Variants in CNTN5 observed in about 807,000 individuals in gnomAD.
CNTN5 encodes contactin-5.
In CNTN5, 77 loss-of-function variants were observed where a neutral mutation model predicts 129.1. The ratio of observed to expected loss-of-function variants is 0.60; its 90% confidence interval spans 0.50 to 0.72. The LOEUF is 0.72. Ranked by LOEUF, CNTN5 falls within the 30% of genes least tolerant of loss-of-function variation. The probability of loss-of-function intolerance (pLI) is 0.00; values close to 1 mark genes in which losing one functional copy is unlikely to be tolerated. For missense variants in CNTN5, 1,478 were observed against 1,328.8 expected, an observed-to-expected ratio of 1.11 and a Z score of -1.75; for synonymous variants, 509 against 465.6, an observed-to-expected ratio of 1.09 and a Z score of -1.20.
chr11:99,800,773 G>A (rs564798606), intron 3 of CNTN5, among the ~76,000 whole-genome samples: 3 of 151,992 alleles, frequency 2.0e-5, no homozygotes, highest in East Asian at 1.9e-4. Flanking sequence ...TTGTTTAACC[G>A]ATCTTCCTTA....
chr11:99,452,530 A>T (rs1268188551), intron 2 of CNTN5, among the ~76,000 whole-genome samples: 1 of 151,740 alleles, frequency 6.6e-6, no homozygotes, highest in East Asian at 1.9e-4. Context: ...CCGCCACCAC[A>T]CCCGGCTAAT....
chr11:99,341,616 T>C (rs1302706514), intron 2 of CNTN5, among the ~76,000 whole-genome samples: 5 of 152,210 alleles, frequency 3.3e-5, no homozygotes, highest in African/African-American at 1.2e-4. Flanking sequence ...GAATGTGCTA[T>C]GGTCAGTAAG....
chr11:100,337,871 T>C (rs1034667997), intron 21 of CNTN5, among the ~76,000 whole-genome samples: 3 of 152,194 alleles, frequency 2.0e-5, no homozygotes, highest in Non-Finnish European at 4.4e-5. Context: ...ATAAGCTTGT[T>C]TCATACTAAC....
At chr11:100,000,192 T>C (rs1939769688) in intron 8 of CNTN5, among the ~76,000 whole-genome samples, 1 of 151,684 alleles carries the variant, frequency 6.6e-6, no homozygotes, top group Non-Finnish European at 1.5e-5. Flanking sequence ...AAATAAAAAG[T>C]CCAAGTCCAA....
At chr11:99,985,049 G>A (rs1938589430) in intron 8 of CNTN5, among the ~76,000 whole-genome samples, 1 of 152,114 alleles carries the variant, frequency 6.6e-6, no homozygotes, top group Non-Finnish European at 1.5e-5. Context: ...GCTCAAGAAG[G>A]GGTGTTACAA....
At chr11:99,747,703 A>C (rs1591085761) in intron 3 of CNTN5, among the ~76,000 whole-genome samples, 1 of 151,800 alleles carries the variant, frequency 6.6e-6, no homozygotes, top group African/African-American at 2.4e-5. Context: ...CGATCTCCTG[A>C]CCTTGTGATC....
intron 3 of CNTN5, among the ~76,000 whole-genome samples, chr11:99,713,732 T>C (rs1193919652): frequency 6.6e-6 from 1 of 151,982 alleles, no homozygotes; most frequent in Non-Finnish European, 1.5e-5. Flanking sequence ...CTTGCACTTT[T>C]AAGTTTGAAT....
Position 100,070,488 on chromosome 11 carries a change from G to T in CNTN5, c.1227G>T (p.Trp409Cys), listed in dbSNP as rs568880150. ...TAGACAGTGGGAGCCCTCTCCGATG[G>T]GAATGTAAGGCTACTGGAAAACCCA... ...TQLDSGSPLR[W>C]ECKATGKPRP... The change falls in exon 11 of 25, where the codon TGG (tryptophan) becomes TGT (cysteine). Residue 409 changes from tryptophan to cysteine, a missense_variant. Coordinates refer to ENST00000524871, the MANE Select transcript of CNTN5 (RefSeq NM_014361.4). 1 of 1,612,962 alleles carries T rather than the reference G, an allele frequency of 6.2e-7. No homozygotes were observed. The highest frequency in any genetic ancestry group is 1.1e-5 in the South Asian group (1 of 91,012).
intron 1 of CNTN5, among the ~76,000 whole-genome samples, chr11:99,180,696 A>T (rs1858007953): frequency 6.6e-6 from 1 of 152,196 alleles, no homozygotes; most frequent in Non-Finnish European, 1.5e-5. Context: ...GTCGGCCTCC[A>T]TCTGATACTC....
chr11:99,607,826 C>T (rs1950470345), intron 3 of CNTN5, among the ~76,000 whole-genome samples: 1 of 131,868 alleles, frequency 7.6e-6, no homozygotes, highest in Admixed American at 8.0e-5. Context: ...TGGAAACCAT[C>T]ATTCTCAGTA....
At chr11:99,702,211 T>C (rs542741338) in intron 3 of CNTN5, among the ~76,000 whole-genome samples, 1 of 150,974 alleles carries the variant, frequency 6.6e-6, no homozygotes, top group South Asian at 2.1e-4. Context: ...CCCCAGTTTA[T>C]TGTAAATGTT....
chr11:99,274,627 T>C (rs1863338003), intron 1 of CNTN5, among the ~76,000 whole-genome samples: 1 of 151,614 alleles, frequency 6.6e-6, no homozygotes, highest in Admixed American at 6.6e-5. Flanking sequence ...GAGATTAGTA[T>C]ATCAATAAAA....
At chr11:99,368,803 C>T (rs575479747) in intron 2 of CNTN5, among the ~76,000 whole-genome samples, 15 of 152,064 alleles carry the variant, frequency 9.9e-5, no homozygotes, top group Admixed American at 2.0e-4. Flanking sequence ...ATTAAACAGG[C>T]GACGAAGAAT....
intron 2 of CNTN5, among the ~76,000 whole-genome samples, chr11:99,498,267 T>TA (rs1201801075): frequency 6.6e-6 from 1 of 152,204 alleles, no homozygotes; most frequent in African/African-American, 2.4e-5. Flanking sequence ...TTTGTAGCTC[T>TA]AAATAGCATT....
intron 9 of CNTN5, among the ~76,000 whole-genome samples, chr11:100,044,813 G>A (rs563643414): frequency 1.3e-5 from 2 of 151,670 alleles, no homozygotes; most frequent in African/African-American, 4.8e-5. Flanking sequence ...TCATTTCGTT[G>A]ATCTTCATTT....
At chr11:99,882,788 C>A (rs1319682789) in intron 6 of CNTN5, among the ~76,000 whole-genome samples, 2 of 152,152 alleles carry the variant, frequency 1.3e-5, no homozygotes, top group East Asian at 3.9e-4. Flanking sequence ...GTCGTGCTAT[C>A]AAATAGTAAG....
At chr11:99,324,885 C>T (rs1354855052) in intron 1 of CNTN5, among the ~76,000 whole-genome samples, 1 of 152,184 alleles carries the variant, frequency 6.6e-6, no homozygotes, top group Non-Finnish European at 1.5e-5. Flanking sequence ...TCGTGATCCG[C>T]CTGCCTCGGC....
intron 3 of CNTN5, among the ~76,000 whole-genome samples, chr11:99,813,488 TTTTTG>T (rs574356037): frequency 2.0e-5 from 3 of 151,964 alleles, no homozygotes; most frequent in South Asian, 2.1e-4. Context: ...AGTAGAGAGG[TTTTTG>T]TTTTGTTTTG....
chr11:99,226,123 C>G (rs1860671639), intron 1 of CNTN5, among the ~76,000 whole-genome samples: 2 of 152,166 alleles, frequency 1.3e-5, no homozygotes, highest in Middle Eastern at 6.8e-3. Context: ...GGTAGAATGT[C>G]TTAAGTGGTT....
Sources: allele counts gnomAD v4.1 joint callset (sites outside exome capture counted in the v4.1 genomes callset), GRCh38; gene constraint gnomAD v4.1.1; transcripts MANE v1.5; gene names NCBI Gene and HGNC (gene_info 2026-07-23, HGNC 2026-07-21).